NRXN1: variants seen among roughly 807,000 people sequenced by gnomAD.
NRXN1 encodes neurexin-1.
In NRXN1, 39 loss-of-function variants were observed where a neutral mutation model predicts 150.9. The observed-to-expected ratio is 0.26, with a 90% confidence interval of 0.20 to 0.34. The LOEUF is 0.34. Ranked by LOEUF, NRXN1 falls within the 10% of genes least tolerant of loss-of-function variation. The pLI, the probability that NRXN1 is intolerant of heterozygous loss-of-function variation, is 1.00. For synonymous variants in NRXN1, 924 were observed against 757.0 expected, an observed-to-expected ratio of 1.22 and a Z score of -3.62; for missense variants, 1,815 against 1,949.9, an observed-to-expected ratio of 0.93 and a Z score of 1.30.
At chr2:50,381,364 G>A (rs928857105) in intron 17 of NRXN1, among the ~76,000 whole-genome samples, 3 of 151,940 alleles carry the variant, frequency 2.0e-5, no homozygotes, top group Non-Finnish European at 4.4e-5. Flanking sequence ...AGAAGAGGGA[G>A]GAAGAAACTC....
intron 17 of NRXN1, among the ~76,000 whole-genome samples, chr2:50,244,370 T>C (rs1275165856): frequency 6.6e-6 from 1 of 151,796 alleles, no homozygotes; most frequent in Non-Finnish European, 1.5e-5. Flanking sequence ...TCATATAGAA[T>C]GAGATGTTAA....
At chr2:50,929,142 G>A (rs976850927) in intron 2 of NRXN1, among the ~76,000 whole-genome samples, 4 of 151,728 alleles carry the variant, frequency 2.6e-5, no homozygotes, top group East Asian at 3.9e-4. Flanking sequence ...TTTTATCTTC[G>A]GCCCCCAGCT....
chr2:50,376,512 TACTTTTTGTA>T (rs986676797), intron 17 of NRXN1, among the ~76,000 whole-genome samples: 1 of 152,218 alleles, frequency 6.6e-6, no homozygotes. Context: ...TTTGATGCTG[TACTTTTTGTA>T]ACAACTTGAT....
chr2:50,515,912 G>C (rs952385813), intron 12 of NRXN1, among the ~76,000 whole-genome samples: 6 of 152,020 alleles, frequency 3.9e-5, no homozygotes, highest in African/African-American at 1.4e-4. Context: ...TTCCCAGGTT[G>C]TAATTATGAC....
At chr2:50,965,658 A>G (rs1693944475) in intron 2 of NRXN1, among the ~76,000 whole-genome samples, 1 of 151,474 alleles carries the variant, frequency 6.6e-6, no homozygotes, top group East Asian at 1.9e-4. Flanking sequence ...GGATATTTTG[A>G]TGCCATGCTT....
chr2:50,243,204 G>A (rs1015698034), intron 17 of NRXN1, among the ~76,000 whole-genome samples: 1 of 151,634 alleles, frequency 6.6e-6, no homozygotes, highest in Non-Finnish European at 1.5e-5. Flanking sequence ...ATAAATATAT[G>A]AGATGATGAA....
chr2:50,655,344 T>C (rs111507176), intron 5 of NRXN1, among the ~76,000 whole-genome samples: 22 of 152,040 alleles, frequency 1.4e-4, no homozygotes, highest in African/African-American at 4.8e-4. Context: ...TTCAAAAAAC[T>C]CTTTCACTGT....
chr2:50,484,691 T>A (rs1050749692), intron 15 of NRXN1, among the ~76,000 whole-genome samples: 1 of 152,172 alleles, frequency 6.6e-6, no homozygotes, highest in African/African-American at 2.4e-5. Context: ...AGCTGTATTG[T>A]TTGAGGAGAA....
At chr2:50,098,030 G>A (rs1700472666) in intron 18 of NRXN1, among the ~76,000 whole-genome samples, 1 of 152,080 alleles carries the variant, frequency 6.6e-6, no homozygotes, top group Non-Finnish European at 1.5e-5. Flanking sequence ...ATGGTAAGAA[G>A]TGGTTTTAAT....
chr2:50,127,359 A>C (rs1221192840), intron 18 of NRXN1, among the ~76,000 whole-genome samples: 1 of 152,190 alleles, frequency 6.6e-6, no homozygotes, highest in East Asian at 1.9e-4. Context: ...AATCATATAT[A>C]ATCTAAAATT....
At chr2:50,539,637 A>G (rs1196606710) in intron 9 of NRXN1, among the ~76,000 whole-genome samples, 1 of 152,260 alleles carries the variant, frequency 6.6e-6, no homozygotes, top group Non-Finnish European at 1.5e-5. Context: ...TACAAATGCA[A>G]CCATGATACC....
At chr2:50,938,200 C>T (rs577097202) in intron 2 of NRXN1, among the ~76,000 whole-genome samples, 2 of 152,064 alleles carry the variant, frequency 1.3e-5, no homozygotes, top group Non-Finnish European at 2.9e-5. Flanking sequence ...TTACTATACA[C>T]TATTGTAAAC....
intron 19 of NRXN1, among the ~76,000 whole-genome samples, chr2:50,071,522 A>G (rs1315910658): frequency 1.3e-5 from 2 of 152,194 alleles, no homozygotes; most frequent in Non-Finnish European, 2.9e-5. Context: ...GCATAGAGGA[A>G]GGACTATGTG....
At chr2:50,884,823 T>TA (rs199732354) in intron 5 of NRXN1, among the ~76,000 whole-genome samples, 10 of 150,532 alleles carry the variant, frequency 6.6e-5, no homozygotes, top group South Asian at 4.2e-4. Flanking sequence ...TACTGTTTTT[T>TA]AAAAAAAAAA....
chr2:50,237,741 A>T (rs2065596613), intron 17 of NRXN1, among the ~76,000 whole-genome samples: 1 of 151,946 alleles, frequency 6.6e-6, no homozygotes, highest in Non-Finnish European at 1.5e-5. Context: ...AGCTTAAATG[A>T]AAAGAGTCTT....
chr2:50,002,538 C>T (rs563423785), intron 21 of NRXN1, among the ~76,000 whole-genome samples: 14 of 152,174 alleles, frequency 9.2e-5, no homozygotes, highest in African/African-American at 2.6e-4. Flanking sequence ...GGAATTTTAG[C>T]AAAACAATAT....
At chr2:50,906,789 C>T (rs975101294) in intron 5 of NRXN1, among the ~76,000 whole-genome samples, 1 of 152,032 alleles carries the variant, frequency 6.6e-6, no homozygotes, top group Admixed American at 6.6e-5. Flanking sequence ...AATATAATGG[C>T]ACCACAATGA....
chr2:50,676,243 C>A (rs1343821703), intron 5 of NRXN1, among the ~76,000 whole-genome samples: 1 of 152,108 alleles, frequency 6.6e-6, no homozygotes, highest in East Asian at 1.9e-4. Context: ...CTTCCTGAGG[C>A]CTCACTAGAA....
Position 49,986,956 on chromosome 2 carries a change from T to C in NRXN1, c.4129-43165A>G, listed in dbSNP as rs1343705145. On this transcript the variant is annotated intron_variant, in intron 21 of 22. Transcript: ENST00000401669. ...GGTGCACACCTGCAGTTCCAGTTAC[T>C]TGGGAGGCTGAAGTGGGAGGACCAC... Among the ~76,000 whole-genome samples the C allele has an allele frequency of 2.0e-5, 3 of 152,084 alleles. No individual in the cohort carries two copies. The East Asian group carries it at 5.8e-4, about 29-fold the overall frequency.
Sources: allele counts gnomAD v4.1 joint callset (sites outside exome capture counted in the v4.1 genomes callset), GRCh38; gene constraint gnomAD v4.1.1; transcripts MANE v1.5; gene names NCBI Gene and HGNC (gene_info 2026-07-23, HGNC 2026-07-21).